Variants in FOXA3 observed in about 807,000 individuals in gnomAD.
FOXA3 encodes the protein hepatocyte nuclear factor 3-gamma.
Under a neutral mutation model 16.9 loss-of-function variants are expected in FOXA3, and 11 were observed. The observed-to-expected ratio is 0.65, with a 90% CI of 0.41 to 1.08. FOXA3 has a LOEUF of 1.08. FOXA3 is among the 50% of genes least tolerant of loss of function. FOXA3 has a pLI of 0.00. For missense variants in FOXA3, 423 were observed against 470.1 expected, an observed-to-expected ratio of 0.90 and a Z score of 0.93; for synonymous variants, 217 against 203.3, an observed-to-expected ratio of 1.07 and a Z score of -0.57.
At chr19:45,870,647 G>A (rs191706444) in intron 1 of FOXA3, among the ~76,000 whole-genome samples, 34 of 144,826 alleles carry the variant, frequency 2.3e-4, no homozygotes, top group African/African-American at 8.5e-4. Flanking sequence ...TCAGCTCACC[G>A]CAGCCTCAGA....
At position 45,872,579 on chromosome 19, in the gene FOXA3, G is replaced by A. The variant is rs1364111276; in HGVS notation, c.574G>A (p.Ala192Thr). The A allele has an allele frequency of 6.2e-7, 1 of 1,614,190 alleles. No individual in the cohort carries two copies. Among genetic ancestry groups the A allele is most frequent in the East Asian group, 2.2e-5 (1 of 44,888 alleles). ...PDKPGKGSYW[A>T]LHPSSGNMFE... ...CAAGCCTGGCAAGGGCTCCTACTGG[G>A]CCCTACACCCCAGCTCAGGGAACAT... Residue 192 changes from alanine (A) to threonine (T), a missense_variant, in exon 2 of 2, where the codon GCC becomes ACC. Ala to Thr is a moderately conservative substitution (Grantham distance 58). This residue lies in a region of FOXA3 where 85 missense variants were observed against 136.9 expected (regional missense o/e 0.62). Coordinates refer to ENST00000302177, the MANE Select transcript of FOXA3 (RefSeq NM_004497.3). The surrounding 1 kb of genome is among the most constrained non-coding windows in gnomAD (Gnocchi z 4.5).
chr19:45,865,865 C>T (rs1361553033), intron 1 of FOXA3, among the ~76,000 whole-genome samples: 1 of 151,930 alleles, frequency 6.6e-6, no homozygotes, highest in Non-Finnish European at 1.5e-5. Flanking sequence ...TTGTGAGATG[C>T]GGAAGGCAGA....
intron 1 of FOXA3, among the ~76,000 whole-genome samples, chr19:45,869,186 C>A (rs529533047): frequency 6.6e-6 from 1 of 152,090 alleles, no homozygotes; most frequent in Non-Finnish European, 1.5e-5. Context: ...CCACCCCCCC[C>A]ACCTCAGCCT....
Position 45,872,738 on chromosome 19 carries a change from G to A in FOXA3, c.733G>A (p.Ala245Thr). 6.2e-7 allele frequency: 1 copy of A among 1,602,486 alleles called. No individual in the cohort carries two copies. Residue 245 changes from alanine (A) to threonine (T), a missense_variant, in exon 2 of 2, where the codon GCC becomes ACC. Transcript: ENST00000302177. This position sits in a 1 kb window ranked among gnomAD's most constrained non-coding sequence, Gnocchi z 4.5. ...TGCTGCCTCGACCACCACCCCCGCGGCCACAGTCACCTCCCCGCCCCAGCC... is the reference window on the plus strand; with the variant it reads ...TGCTGCCTCGACCACCACCCCCGCGACCACAGTCACCTCCCCGCCCCAGCC... Reference protein sequence around the residue: ...GSAASTTTPAATVTSPPQPPP... With the variant: ...GSAASTTTPATTVTSPPQPPP...
At chr19:45,868,556 G>A (rs1972106698) in intron 1 of FOXA3, among the ~76,000 whole-genome samples, 2 of 150,236 alleles carry the variant, frequency 1.3e-5, no homozygotes, top group Admixed American at 1.3e-4. Context: ...CTCCAGCCTG[G>A]GCGATACAGT....
At chr19:45,871,086 T>C (rs1428516905) in intron 1 of FOXA3, among the ~76,000 whole-genome samples, 1 of 151,608 alleles carries the variant, frequency 6.6e-6, no homozygotes, top group Non-Finnish European at 1.5e-5. Context: ...TGAGACCCTG[T>C]AGAAAAAAAA....
At chr19:45,871,877 A>G (rs1966907561) in intron 1 of FOXA3, among the ~76,000 whole-genome samples, 198 bp from the exon 2 acceptor site, 2 of 152,126 alleles carry the variant, frequency 1.3e-5, no homozygotes, top group Non-Finnish European at 2.9e-5. Context: ...GTGGGTGGGA[A>G]AGCAGGGGGC....
rs373073243 is a variant in FOXA3 at position 45,872,222 on chromosome 19, C to A, written c.217C>A (p.Pro73Thr). 1 of 1,605,080 alleles carries A rather than the reference C, an allele frequency of 6.2e-7. No homozygotes were observed. Among genetic ancestry groups the A allele is most frequent in the Non-Finnish European group, 8.5e-7 (1 of 1,174,172 alleles). Residue 73 changes from proline (P) to threonine (T), a missense_variant, in exon 2 of 2, where the codon CCC (proline) becomes ACC (threonine). By Grantham distance (38) the Pro-to-Thr change is conservative (BLOSUM62 -1). Transcript: ENST00000302177. This position sits in a 1 kb window ranked among gnomAD's most constrained non-coding sequence, Gnocchi z 4.5. ...GPLAPPAPAA[P>T]LGPTFPGLGV... ...CCTGGCACCCCCAGCACCTGCAGCC[C>A]CCCTGGGGCCCACTTTCCCAGGCCT...
Position 45,872,406 on chromosome 19 carries a change from C to T in FOXA3, c.401C>T (p.Pro134Leu). 1.9e-6 allele frequency: 3 copies of T among 1,614,234 alleles called. No individual in the cohort carries two copies. Among genetic ancestry groups the T allele is most frequent in the Non-Finnish European group, 1.7e-6 (2 of 1,180,034 alleles). ...ATCACCATGGCCATCCAGCAGGCGC[C>T]GGGCAAGATGCTGACCTTGAGTGAA... ...SLITMAIQQA[P>L]GKMLTLSEIY... is the part of the protein sequence containing the mutation. The change falls in exon 2 of 2, where the codon CCG becomes CTG. Residue 134 changes from proline to leucine, a missense_variant. Pro to Leu is a moderately conservative substitution (Grantham distance 98). Transcript: ENST00000302177. The surrounding 1 kb of genome is among the most constrained non-coding windows in gnomAD (Gnocchi z 4.5).
rs773095488 is a variant in FOXA3 at position 45,872,664 on chromosome 19, A to G, written c.659A>G (p.Lys220Arg). Residue 220 changes from lysine (K) to arginine (R), a missense_variant, in exon 2 of 2, where the codon AAA (lysine) becomes AGA (arginine). Lys to Arg is a conservative substitution (Grantham distance 26, BLOSUM62 2). Transcript: ENST00000302177. This position sits in a 1 kb window ranked among gnomAD's most constrained non-coding sequence, Gnocchi z 4.5. ...CGCTTCAAGCTGGAGGAGAAGGTGA[A>G]AAAAGGGGGCAGCGGGGCTGCCACC... is the stretch of plus-strand genomic sequence containing the variant. Reference protein sequence around the residue: ...QKRFKLEEKVKKGGSGAATTT... With the variant: ...QKRFKLEEKVRKGGSGAATTT... The G allele has an allele frequency of 1.9e-6, 3 of 1,612,934 alleles. No individual in the cohort carries two copies. Among genetic ancestry groups the G allele is most frequent in the Admixed American group, 1.7e-5 (1 of 59,846 alleles).
At chr19:45,864,955 T>C (rs771957484) in intron 1 of FOXA3, among the ~76,000 whole-genome samples, 1 of 151,848 alleles carries the variant, frequency 6.6e-6, no homozygotes, top group Non-Finnish European at 1.5e-5. Context: ...GAGTCACCAT[T>C]AAGGGGAAGA....
At chr19:45,866,139 C>T (rs1972083025) in intron 1 of FOXA3, among the ~76,000 whole-genome samples, 1 of 152,114 alleles carries the variant, frequency 6.6e-6, no homozygotes, top group African/African-American at 2.4e-5. Context: ...AAAGCCGGCA[C>T]AGTGGCTCAC....
chr19:45,870,702 T>G (rs971968226), intron 1 of FOXA3, among the ~76,000 whole-genome samples: 1 of 151,792 alleles, frequency 6.6e-6, no homozygotes, highest in Non-Finnish European at 1.5e-5. Flanking sequence ...CCCGAGTAGC[T>G]GGGATTACAG....
At chr19:45,865,974 C>T (rs1435919570) in intron 1 of FOXA3, among the ~76,000 whole-genome samples, 2 of 152,172 alleles carry the variant, frequency 1.3e-5, no homozygotes, top group African/African-American at 4.8e-5. Flanking sequence ...GAACCACCTA[C>T]AGACCAATTG....
chr19:45,870,172 C>CTT (rs61352328), intron 1 of FOXA3, among the ~76,000 whole-genome samples: 5 of 130,066 alleles, frequency 3.8e-5, no homozygotes, highest in Non-Finnish European at 8.2e-5. Flanking sequence ...GTTATAATAA[C>CTT]TTTTTTTTTT....
chr19:45,866,651 C>A (rs1473415086), intron 1 of FOXA3, among the ~76,000 whole-genome samples: 2 of 152,156 alleles, frequency 1.3e-5, no homozygotes, highest in South Asian at 4.1e-4. Flanking sequence ...GCCCATAGCA[C>A]CCTCCCGCTT....
chr19:45,871,900 T>A (rs933210494), intron 1 of FOXA3, among the ~76,000 whole-genome samples, 175 bp from the exon 2 acceptor site: 1 of 152,048 alleles, frequency 6.6e-6, no homozygotes, highest in Non-Finnish European at 1.5e-5. Flanking sequence ...AAAGGGCGTG[T>A]CCAGGGAGTG....
rs1424546576 is a variant in FOXA3 at position 45,872,042 on chromosome 19, C to A, written c.70-33C>A. The A allele has an allele frequency of 3.7e-6, 6 of 1,603,214 alleles. No homozygotes were observed. The South Asian group carries it at 4.4e-5, about 12-fold the overall frequency. On this transcript the variant is annotated intron_variant, in intron 1 of 1. Coordinates refer to ENST00000302177, the MANE Select transcript of FOXA3 (RefSeq NM_004497.3). This position sits in a 1 kb window ranked among gnomAD's most constrained non-coding sequence, Gnocchi z 4.5. ...TCCTTTGCTGACCAGCAGAGTGGAG[C>A]CCCACTGACCCCTCCTTTCATCTTT...
At position 45,873,216 on chromosome 19, in the gene FOXA3, G is replaced by T; in HGVS notation, c.*158G>T. On this transcript the variant is annotated 3_prime_UTR_variant, in exon 2 of 2. Coordinates refer to ENST00000302177, the MANE Select transcript of FOXA3 (RefSeq NM_004497.3). ...CTGCTGTCTCAGTGGGCATGGTGTT[G>T]ATCCACGGGGTACTGTGATAACCAC... The T allele has an allele frequency of 8.5e-7, 1 of 1,170,154 alleles. No homozygotes were observed. Among genetic ancestry groups the T allele is most frequent in the Non-Finnish European group, 1.2e-6 (1 of 833,448 alleles). The allele number at this position is 1,170,154 out of a possible 1,614,324, so 72.5% of individuals were successfully genotyped here.
Sources: allele counts gnomAD v4.1 joint callset (sites outside exome capture counted in the v4.1 genomes callset), GRCh38; gene constraint gnomAD v4.1.1; regional missense constraint gnomAD v4.1.1; non-coding constraint Gnocchi (gnomAD v3.1); transcripts MANE v1.5; gene names NCBI Gene and HGNC (gene_info 2026-07-23, HGNC 2026-07-21).